The following SMG7 variants were observed in gnomAD, a reference collection of about 807,000 sequenced individuals.
SMG7 encodes the protein SMG7 nonsense mediated mRNA decay factor.
SMG7 carries 34 observed loss-of-function variants against 148.2 expected under a neutral mutation model. The ratio of observed to expected loss-of-function variants is 0.23; its 90% CI spans 0.17 to 0.31. The LOEUF is 0.31. Ranked by LOEUF, SMG7 falls within the 10% of genes least tolerant of loss-of-function variation. The pLI, the probability that SMG7 is intolerant of heterozygous loss-of-function variation, is 1.00. For synonymous variants in SMG7, 492 were observed against 515.1 expected (o/e 0.96, Z 0.61); for missense variants, 1,114 against 1,408.4 (o/e 0.79, Z 3.35).
chr1:183,541,168 ACGCG>A, intron 13 of SMG7, 65 bp downstream of exon 13: 2 of 1,300,242 alleles, frequency 1.5e-6, no homozygotes, highest in Non-Finnish European at 2.2e-6. Flanking sequence ...ATGCGCGCAC[ACGCG>A]CGCGCACACA....
At chr1:183,538,851 C>T (rs1023138331) in intron 12 of SMG7, among the ~76,000 whole-genome samples, 5 of 152,100 alleles carry the variant, frequency 3.3e-5, no homozygotes, top group East Asian at 3.9e-4. Context: ...TATTTTCCTA[C>T]GTTGCCTTAT....
intron 1 of SMG7, among the ~76,000 whole-genome samples, chr1:183,507,782 A>C (rs1207698237): frequency 6.6e-6 from 1 of 152,182 alleles, no homozygotes; most frequent in Non-Finnish European, 1.5e-5. Context: ...ATAGATGTTG[A>C]TTATTCCACG....
chr1:183,540,968 CTTGT>C lies in SMG7; in HGVS notation c.1296-15_1296-12del, dbSNP rs1342839111. 1 of 1,610,440 alleles carries C rather than the reference CTTGT, an allele frequency of 6.2e-7. No homozygotes were observed. The highest frequency in any genetic ancestry group is 1.3e-5 in the African/African-American group (1 of 74,880). On this transcript the variant is annotated splice_polypyrimidine_tract_variant and intron_variant, in intron 12 of 22. Coordinates refer to ENST00000688051, the MANE Select transcript of SMG7 (RefSeq NM_001375584.1). ...AGCAATTTAATATTCTCATAACTTGCTTGTGTCAATTTTAGGAACTTGGATTTTT... is the reference window on the plus strand; with the variant it reads ...AGCAATTTAATATTCTCATAACTTGCGTCAATTTTAGGAACTTGGATTTTT...
At chr1:183,514,933 A>G (rs1663130821) in intron 2 of SMG7, among the ~76,000 whole-genome samples, 1 of 152,246 alleles carries the variant, frequency 6.6e-6, no homozygotes, top group African/African-American at 2.4e-5. Context: ...GCAAACCTAA[A>G]GAAGAGTGAT....
At position 183,472,592 on chromosome 1, in the gene SMG7, G is replaced by T; in HGVS notation, c.-29G>T. ...AGCCTGAGAGACCCACGGAGGCTTC[G>T]CGGGAAGACGCGGCGGCGGCGGCGG... On this transcript the variant is annotated 5_prime_UTR_variant, in exon 1 of 23. Transcript: ENST00000688051. 3.5e-6 allele frequency: 5 copies of T among 1,434,088 alleles called. No individual in the cohort carries two copies. Among genetic ancestry groups the T allele is most frequent in the Non-Finnish European group, 4.6e-6 (5 of 1,083,272 alleles). 88.8% of individuals were successfully genotyped at this position (1,434,088 alleles called of 1,614,324 possible). A position where few individuals can be genotyped will look rare whatever the true frequency, so the allele number is the denominator to read the frequency against.
At chr1:183,538,292 G>A in intron 11 of SMG7, 88 bp from the exon 12 acceptor site, 1 of 836,992 alleles carries the variant, frequency 1.2e-6, no homozygotes, top group South Asian at 1.4e-5. Flanking sequence ...CTTTCTGTAT[G>A]TTAATTTTTA....
intron 2 of SMG7, among the ~76,000 whole-genome samples, chr1:183,514,863 A>C (rs1036565874): frequency 1.3e-5 from 2 of 152,358 alleles, no homozygotes; most frequent in East Asian, 1.9e-4. Context: ...TAGGAGCATT[A>C]ACTCAAATCC....
intron 1 of SMG7, among the ~76,000 whole-genome samples, chr1:183,478,246 A>C (rs949063610): frequency 3.9e-5 from 6 of 152,146 alleles, no homozygotes; most frequent in African/African-American, 1.4e-4. Context: ...CATGTGGTCC[A>C]CGAAGTCTTC....
At chr1:183,492,882 A>G (rs1332456358) in intron 1 of SMG7, among the ~76,000 whole-genome samples, 1 of 151,990 alleles carries the variant, frequency 6.6e-6, no homozygotes, top group Admixed American at 6.6e-5. Context: ...CCGACACGTT[A>G]TATATGTTTC....
At chr1:183,538,910 C>T (rs535006258) in intron 12 of SMG7, among the ~76,000 whole-genome samples, 9 of 152,040 alleles carry the variant, frequency 5.9e-5, no homozygotes, top group African/African-American at 2.2e-4. Flanking sequence ...CTTTGGGAGG[C>T]GGAGGCAGGT....
chr1:183,522,020 CTTGGATTAGATGGA>C (rs1039662979), intron 4 of SMG7, among the ~76,000 whole-genome samples: 1 of 152,058 alleles, frequency 6.6e-6, no homozygotes, highest in Non-Finnish European at 1.5e-5. Flanking sequence ...GTTGGCCATA[CTTGGATTAGATGGA>C]TTGGATTGAA....
At position 183,512,831 on chromosome 1, in the gene SMG7, A is replaced by G. The variant is rs371078986; in HGVS notation, c.30-6A>G. ...CTCTTTTTTTTTTTTTTTTTTTTCT[A>G]TCTAGGCAGGCAGAAGTCCTGAAGG... On this transcript the variant is annotated splice_polypyrimidine_tract_variant and splice_region_variant and intron_variant, in intron 1 of 22. Transcript: ENST00000688051. 17 of 1,225,092 alleles carry G rather than the reference A, an allele frequency of 1.4e-5. No individual in the cohort carries two copies. Among genetic ancestry groups the G allele is most frequent in the Non-Finnish European group, 1.6e-5 (15 of 941,268 alleles). 75.9% of individuals were successfully genotyped at this position (1,225,092 alleles called of 1,614,324 possible). A position where few individuals can be genotyped will look rare whatever the true frequency, so the allele number is the denominator to read the frequency against.
intron 10 of SMG7, 149 bp from the exon 11 acceptor site, chr1:183,536,995 AC>A (rs943996253): frequency 1.8e-6 from 1 of 569,202 alleles, no homozygotes; most frequent in African/African-American, 1.9e-5. Flanking sequence ...CTTTGAAAGT[AC>A]ATTTTTAAAA....
intron 4 of SMG7, among the ~76,000 whole-genome samples, chr1:183,519,405 G>T (rs191050185): frequency 1.3e-5 from 2 of 151,674 alleles, no homozygotes; most frequent in East Asian, 3.9e-4. Flanking sequence ...GAGAGGGATT[G>T]GTCCTTAAAG....
In SMG7 at chr1:183,537,133, T is replaced by A; in HGVS notation, c.1164-12T>A. 1.2e-6 allele frequency: 2 copies of A among 1,604,920 alleles called. No homozygotes were observed. Among genetic ancestry groups the A allele is most frequent in the Non-Finnish European group, 1.7e-6 (2 of 1,171,754 alleles). On this transcript the variant is annotated splice_polypyrimidine_tract_variant and intron_variant, in intron 10 of 22. Transcript: ENST00000688051. Reference sequence around the variant, plus strand: ...ATAAAAATAAAGTCTGAACTCTTTCTTTAATTTACAGCATTTGGCCCTGGT... The same window carrying A: ...ATAAAAATAAAGTCTGAACTCTTTCATTAATTTACAGCATTTGGCCCTGGT...
chr1:183,505,840 T>A (rs1021565355), intron 1 of SMG7, among the ~76,000 whole-genome samples: 1 of 152,164 alleles, frequency 6.6e-6, no homozygotes, highest in Non-Finnish European at 1.5e-5. Flanking sequence ...ACCAGGTATT[T>A]CTTGAATCTG....
At chr1:183,478,592 T>C (rs1278647478) in intron 1 of SMG7, among the ~76,000 whole-genome samples, 2 of 152,186 alleles carry the variant, frequency 1.3e-5, no homozygotes, top group Admixed American at 6.5e-5. Context: ...CTGAGTTTTA[T>C]GTTGTTGTTT....
In SMG7 at chr1:183,542,069, T is replaced by C; in HGVS notation, c.1416-7T>C. On this transcript the variant is annotated splice_region_variant and splice_polypyrimidine_tract_variant and intron_variant, in intron 13 of 22. Transcript: ENST00000688051. ...TTTTATATATGGATTTATTTTTGCT[T>C]TTTTAGGCTGATTCAGTGTGAAAAT... The C allele has an allele frequency of 1.9e-6, 3 of 1,595,890 alleles. No homozygotes were observed. The highest frequency in any genetic ancestry group is 1.7e-6 in the Non-Finnish European group (2 of 1,171,658).
At chr1:183,501,685 A>T (rs918678551) in intron 1 of SMG7, among the ~76,000 whole-genome samples, 4 of 152,146 alleles carry the variant, frequency 2.6e-5, no homozygotes, top group Non-Finnish European at 4.4e-5. Flanking sequence ...TAGATTTTAA[A>T]TCCATGGCAG....
Sources: allele counts gnomAD v4.1 joint callset (sites outside exome capture counted in the v4.1 genomes callset), GRCh38; gene constraint gnomAD v4.1.1; transcripts MANE v1.5; gene names NCBI Gene and HGNC (gene_info 2026-07-23, HGNC 2026-07-21).